CDH18: variants seen among roughly 807,000 people sequenced by gnomAD.
CDH18 encodes the protein cadherin-18.
CDH18 carries 31 observed loss-of-function variants against 67.9 expected under a neutral mutation model. That is an observed-to-expected ratio of 0.46 (90% CI 0.34 to 0.62). CDH18 has a LOEUF of 0.62. Ranked by LOEUF, CDH18 falls within the 20% of genes least tolerant of loss-of-function variation. CDH18 has a pLI of 0.01. For synonymous variants in CDH18, 362 were observed against 347.2 expected, an observed-to-expected ratio of 1.04 and a Z score of -0.48; for missense variants, 890 against 975.5, an observed-to-expected ratio of 0.91 and a Z score of 1.17.
chr5:19,902,951 A>G (rs967181347), intron 2 of CDH18, among the ~76,000 whole-genome samples: 33 of 152,168 alleles, frequency 2.2e-4, no homozygotes, highest in Non-Finnish European at 3.7e-4. Context: ...GAGTCTTATG[A>G]CTTTTTACTA....
At chr5:20,202,803 G>C (rs1739556146) in intron 2 of CDH18, among the ~76,000 whole-genome samples, 1 of 151,724 alleles carries the variant, frequency 6.6e-6, no homozygotes. Context: ...TTTGATTCCT[G>C]AGTCAACTGC....
At chr5:19,745,766 T>C (rs1769910936) in intron 4 of CDH18, among the ~76,000 whole-genome samples, 1 of 152,122 alleles carries the variant, frequency 6.6e-6, no homozygotes, top group Non-Finnish European at 1.5e-5. Flanking sequence ...CCTCTGAGAC[T>C]TCAGCTAAGG....
intron 5 of CDH18, among the ~76,000 whole-genome samples, chr5:19,709,362 G>T (rs1764399943): frequency 6.6e-6 from 1 of 152,080 alleles, no homozygotes; most frequent in Non-Finnish European, 1.5e-5. Flanking sequence ...GAGGTCAAGA[G>T]TTCGAGGCCA....
chr5:20,313,027 T>G (rs966318529), intron 1 of CDH18, among the ~76,000 whole-genome samples: 19 of 152,114 alleles, frequency 1.2e-4, no homozygotes, highest in Non-Finnish European at 2.2e-4. Flanking sequence ...TAATCCTATT[T>G]TTTCAGGAGG....
chr5:19,629,591 T>A (rs2150174071), intron 5 of CDH18, among the ~76,000 whole-genome samples: 1 of 152,310 alleles, frequency 6.6e-6, no homozygotes, highest in Admixed American at 6.5e-5. Flanking sequence ...GCAAGTGAGA[T>A]AAAAGTCAAT....
At chr5:19,830,752 A>G (rs75043537) in intron 3 of CDH18, among the ~76,000 whole-genome samples, 4,882 of 152,208 alleles carry the variant, frequency 0.032, 267 homozygotes, top group African/African-American at 0.11. Context: ...TTGTCACTGC[A>G]CCATTAACAA....
At chr5:20,451,054 G>T (rs186511362) in intron 1 of CDH18, among the ~76,000 whole-genome samples, 1 of 152,142 alleles carries the variant, frequency 6.6e-6, no homozygotes, top group Non-Finnish European at 1.5e-5. Flanking sequence ...CTCCAATGAC[G>T]TGAGAATTAT....
chr5:19,941,928 C>A (rs1161062676), intron 2 of CDH18, among the ~76,000 whole-genome samples: 1 of 152,084 alleles, frequency 6.6e-6, no homozygotes, highest in South Asian at 2.1e-4. Flanking sequence ...AGTGAATGTT[C>A]CATCTTCTCA....
chr5:20,570,877 AT>A (rs1409403648), intron 1 of CDH18, among the ~76,000 whole-genome samples: 4 of 152,182 alleles, frequency 2.6e-5, no homozygotes, highest in Non-Finnish European at 5.9e-5. Flanking sequence ...ATATGCACAC[AT>A]AGTTTCACAA....
intron 2 of CDH18, among the ~76,000 whole-genome samples, chr5:20,183,093 C>A (rs767498878): frequency 1.3e-5 from 2 of 151,974 alleles, no homozygotes; most frequent in South Asian, 4.1e-4. Flanking sequence ...TTATAATGGA[C>A]CTTAACTACA....
At chr5:20,005,625 CATAT>C (rs751770797) in intron 2 of CDH18, among the ~76,000 whole-genome samples, 1 of 151,640 alleles carries the variant, frequency 6.6e-6, no homozygotes, top group African/African-American at 2.4e-5. Context: ...CATACACACA[CATAT>C]ATATATAATT....
intron 1 of CDH18, among the ~76,000 whole-genome samples, chr5:20,288,444 GATATATATATAT>G (rs10534377): frequency 6.8e-6 from 1 of 147,960 alleles, no homozygotes; most frequent in Non-Finnish European, 1.5e-5. Context: ...CAAAAAATAC[GATATATATATAT>G]ATATATATGC....
intron 8 of CDH18, among the ~76,000 whole-genome samples, chr5:19,547,058 C>A (rs1459394767): frequency 6.6e-6 from 1 of 152,048 alleles, no homozygotes; most frequent in Non-Finnish European, 1.5e-5. Flanking sequence ...GTTCCCAAAG[C>A]ATAAAGCCAT....
At chr5:19,654,879 C>A (rs1161592724) in intron 5 of CDH18, among the ~76,000 whole-genome samples, 1 of 152,130 alleles carries the variant, frequency 6.6e-6, no homozygotes, top group Non-Finnish European at 1.5e-5. Flanking sequence ...CCCCTCCAAC[C>A]ATCCCCTGCT....
At chr5:20,293,259 G>A (rs1465928914) in intron 1 of CDH18, among the ~76,000 whole-genome samples, 3 of 152,228 alleles carry the variant, frequency 2.0e-5, no homozygotes, top group African/African-American at 2.4e-5. Flanking sequence ...GGAGTTTGCA[G>A]TGAGCTGAGA....
chr5:19,713,711 A>C (rs2150542288), intron 5 of CDH18, among the ~76,000 whole-genome samples: 1 of 152,252 alleles, frequency 6.6e-6, no homozygotes, highest in South Asian at 2.1e-4. Context: ...TCAGTGGAGT[A>C]TCAGAGAAAA....
intron 5 of CDH18, among the ~76,000 whole-genome samples, chr5:19,664,775 T>C (rs1485582655): frequency 1.3e-5 from 2 of 151,974 alleles, no homozygotes; most frequent in South Asian, 2.1e-4. Context: ...TTATTCAAAA[T>C]ACACTTACGG....
chr5:19,536,707 G>A (rs1190613650), intron 9 of CDH18, among the ~76,000 whole-genome samples: 1 of 152,168 alleles, frequency 6.6e-6, no homozygotes, highest in Non-Finnish European at 1.5e-5. Flanking sequence ...ACAGATGGAA[G>A]GCCTGGTACA....
chr5:19,633,347 G>A (rs1049050679), intron 5 of CDH18, among the ~76,000 whole-genome samples: 3 of 152,072 alleles, frequency 2.0e-5, no homozygotes, highest in Non-Finnish European at 4.4e-5. Flanking sequence ...TTCATTTAAT[G>A]AAGTCATTAA....
Sources: gnomAD v4.1 joint callset for allele counts (sites outside exome capture counted in the v4.1 genomes callset) on GRCh38, gnomAD v4.1.1 for gene constraint, MANE v1.5 for transcripts, NCBI Gene and HGNC (gene_info 2026-07-23, HGNC 2026-07-21) for gene names.